The following EVC2 variants were observed in gnomAD, a reference collection of about 807,000 sequenced individuals.
EVC2 encodes the protein EvC ciliary complex subunit 2.
A neutral mutation model predicts 149.3 loss-of-function variants in EVC2; 148 were observed. That is an observed-to-expected ratio of 0.99 (90% CI 0.87 to 1.14). EVC2 has a LOEUF of 1.14. Among genes scored for constraint, EVC2 ranks in the 50% most tolerant of loss-of-function variants. EVC2 has a pLI of 0.00. For missense variants in EVC2, 1,854 were observed against 1,627.3 expected, an observed-to-expected ratio of 1.14 and a Z score of -2.40; for synonymous variants, 776 against 649.9, an observed-to-expected ratio of 1.19 and a Z score of -2.95.
At chr4:5,699,477 G>A (rs1016074839) in intron 1 of EVC2, among the ~76,000 whole-genome samples, 1 of 152,114 alleles carries the variant, frequency 6.6e-6, no homozygotes, top group African/African-American at 2.4e-5. Flanking sequence ...GTCTTGAAGA[G>A]GTATTTGCAC....
intron 7 of EVC2, among the ~76,000 whole-genome samples, chr4:5,675,411 G>T (rs561286916): frequency 2.6e-5 from 4 of 152,202 alleles, no homozygotes; most frequent in African/African-American, 9.6e-5. Flanking sequence ...TCCTCCTCCC[G>T]TTGGTTTAAA....
Position 5,657,323 on chromosome 4 carries a change from G to A in EVC2, c.1145+5784C>T, listed in dbSNP as rs147733750. Among the ~76,000 whole-genome samples, 87 of 151,640 alleles carry A rather than the reference G, an allele frequency of 5.7e-4. No individual in the cohort carries two copies. Among genetic ancestry groups the A allele is most frequent in the Non-Finnish European group, 3.4e-4 (23 of 67,876 alleles). ...ATCCCATGTTCCCTCCCCAAGCCACGTATCTGCTGCATCTACACAGACTCT... is the reference window on the plus strand; with the variant it reads ...ATCCCATGTTCCCTCCCCAAGCCACATATCTGCTGCATCTACACAGACTCT... On this transcript the variant is annotated intron_variant, in intron 9 of 21. Coordinates refer to ENST00000344408, the MANE Select transcript of EVC2 (RefSeq NM_147127.5). The surrounding 1 kb of genome is among the most constrained non-coding windows in gnomAD (Gnocchi z 4.7).
intron 17 of EVC2, among the ~76,000 whole-genome samples, chr4:5,578,747 A>G (rs551117918): frequency 6.6e-6 from 1 of 152,162 alleles, no homozygotes; most frequent in Admixed American, 6.5e-5. Context: ...TCAGGGGTGA[A>G]TGAGACATGA....
rs771025503 is a variant in EVC2 at position 5,651,446 on chromosome 4, G to A, written c.1146-10608C>T. On this transcript the variant is annotated intron_variant, in intron 9 of 21. Coordinates refer to ENST00000344408, the MANE Select transcript of EVC2 (RefSeq NM_147127.5). ...ATGATGGATGGCGGAATGAGTAGGT[G>A]TATGGGTGCATGGGTAGGTGGAAGA... 3.4e-4 allele frequency among the ~76,000 whole-genome samples: 51 copies of A among 151,974 alleles called. 1 individual carries two copies. Among genetic ancestry groups the A allele is most frequent in the Admixed American group, 2.9e-3 (44 of 15,262 alleles).
At chr4:5,543,019 G>T in intron 22 of EVC2, 1 of 651,914 alleles carries the variant, frequency 1.5e-6, no homozygotes, top group Non-Finnish European at 2.4e-6. Context: ...TGCGGGCAGA[G>T]CAGAATTCTG....
At chr4:5,578,713 G>A (rs981600595) in intron 17 of EVC2, among the ~76,000 whole-genome samples, 1 of 152,102 alleles carries the variant, frequency 6.6e-6, no homozygotes, top group Admixed American at 6.5e-5. Context: ...CGGGGAGAGA[G>A]AGAGAGATAA....
upstream of EVC2, chr4:5,708,646 G>A (rs1237875808): frequency 3.3e-6 from 2 of 604,854 alleles, no homozygotes; most frequent in Middle Eastern, 4.6e-4. Context: ...ACAAACACCC[G>A]CATCTGGGGC....
At chr4:5,557,790 A>T (rs1721862572), downstream of EVC2, among the ~76,000 whole-genome samples, 1 of 152,178 alleles carries the variant, frequency 6.6e-6, no homozygotes. Context: ...CTGGAATTCG[A>T]AATGTTAAAA....
chr4:5,562,764 T>C lies in EVC2; in HGVS notation c.*84A>G. The C allele has an allele frequency of 1.2e-6, 2 of 1,602,902 alleles. No homozygotes were observed. The highest frequency in any genetic ancestry group is 1.7e-6 in the Non-Finnish European group (2 of 1,179,724). On this transcript the variant is annotated 3_prime_UTR_variant, in exon 22 of 22. Coordinates refer to ENST00000344408, the MANE Select transcript of EVC2 (RefSeq NM_147127.5). The surrounding 1 kb of genome is among the most constrained non-coding windows in gnomAD (Gnocchi z 4.3). ...ATGTGCAATTTATATTTGCGAGTTG[T>C]GCATTATAAACACACAAACACCGGC...
In EVC2 at chr4:5,576,215, G is replaced by C. The variant is rs749196836; in HGVS notation, c.3272+25C>G. The C allele has an allele frequency of 1.1e-5, 17 of 1,613,972 alleles. No individual in the cohort carries two copies. The Admixed American group carries it at 2.5e-4, about 24-fold the overall frequency. On this transcript the variant is annotated intron_variant, in intron 18 of 21. Coordinates refer to ENST00000344408, the MANE Select transcript of EVC2 (RefSeq NM_147127.5). This position sits in a 1 kb window ranked among gnomAD's most constrained non-coding sequence, Gnocchi z 4.5. The stretch of plus-strand genomic sequence containing the variant: ...AGGACTGCTGGGGACTAATATCTTT[G>C]AGTGCTACGGGGCACACGGCATACC...
At chr4:5,638,350 C>T (rs527576376) in intron 10 of EVC2, among the ~76,000 whole-genome samples, 166 of 151,540 alleles carry the variant, frequency 1.1e-3, no homozygotes, top group African/African-American at 3.9e-3. Flanking sequence ...GACTGCACCA[C>T]TGCACTGCGA....
chr4:5,531,709 A>G, the EVC2 span, among the ~76,000 whole-genome samples: 5 of 151,762 alleles, frequency 3.3e-5, no homozygotes, highest in Non-Finnish European at 7.4e-5. Flanking sequence ...AAATGGGACC[A>G]TCTAGTTGCA....
rs1323570343 is a variant in EVC2, at chr4:5,689,224, G to A, written c.639C>T (p.Thr213=). The A allele has an allele frequency of 1.9e-6, 3 of 1,614,096 alleles. No homozygotes were observed. Among genetic ancestry groups the A allele is most frequent in the African/African-American group, 1.3e-5 (1 of 74,936 alleles). The change falls in exon 5 of 22, where the codon ACC becomes ACT. Residue 213 remains threonine, a synonymous_variant. Coordinates refer to ENST00000344408, the MANE Select transcript of EVC2 (RefSeq NM_147127.5). ...LLLLDSIAGL[T]IWDSVGNRTS... ...TCCTGTTTCCCACAGAGTCCCAAAT[G>A]GTGAGACCAGCAATGCTGTCCAGCA...
downstream of EVC2, among the ~76,000 whole-genome samples, chr4:5,539,857 TAAAAGA>T (rs1303483217): frequency 4.6e-5 from 7 of 151,994 alleles, no homozygotes; most frequent in Admixed American, 4.6e-4. Flanking sequence ...GCAAAATCCA[TAAAAGA>T]AAAAGTTGAC....
chr4:5,574,484 G>T (rs1294924646), intron 19 of EVC2, among the ~76,000 whole-genome samples: 1 of 152,234 alleles, frequency 6.6e-6, no homozygotes, highest in Non-Finnish European at 1.5e-5. Context: ...ATGTGATTAT[G>T]GTTGCGGTTG....
chr4:5,707,752 C>T (rs1722308934), intron 1 of EVC2, among the ~76,000 whole-genome samples: 1 of 152,044 alleles, frequency 6.6e-6, no homozygotes, highest in Non-Finnish European at 1.5e-5. Context: ...GGATCCATGC[C>T]TTTCGAGTTT....
intron 16 of EVC2, among the ~76,000 whole-genome samples, chr4:5,604,699 A>G (rs1714248319): frequency 6.6e-6 from 1 of 152,194 alleles, no homozygotes; most frequent in African/African-American, 2.4e-5. Context: ...GGGAGGACTT[A>G]AATGTTCCCA....
At chr4:5,550,313 T>C (rs1395540337) in intron 21 of EVC2, among the ~76,000 whole-genome samples, 1 of 152,162 alleles carries the variant, frequency 6.6e-6, no homozygotes, top group Non-Finnish European at 1.5e-5. Context: ...CTGATAATGA[T>C]ATGGACAATG....
At position 5,563,023 on chromosome 4, in the gene EVC2, T is replaced by A. The variant is rs1290612286; in HGVS notation, c.3752A>T (p.Glu1251Val). Residue 1251 changes from glutamate to valine, a missense_variant, in exon 22 of 22, where the codon GAA (glutamate) becomes GTA (valine). Physicochemically the swap from Glu to Val is moderately radical, Grantham distance 121. Coordinates refer to ENST00000344408, the MANE Select transcript of EVC2 (RefSeq NM_147127.5). ...WPHLSLEPIG[E>V]LAPVPIVGAE... The stretch of plus-strand genomic sequence containing the variant: ...CCCTACAATGGGTACAGGGGCCAGT[T>A]CGCCAATGGGCTCCAGTGACAGGTG... The A allele has an allele frequency of 6.2e-7, 1 of 1,614,118 alleles. No individual in the cohort carries two copies. Among genetic ancestry groups the A allele is most frequent in the African/African-American group, 1.3e-5 (1 of 74,938 alleles).
Sources: allele counts gnomAD v4.1 joint callset (sites outside exome capture counted in the v4.1 genomes callset), GRCh38; gene constraint gnomAD v4.1.1; non-coding constraint Gnocchi (gnomAD v3.1); transcripts MANE v1.5; gene names NCBI Gene and HGNC (gene_info 2026-07-23, HGNC 2026-07-21).